The following CHID1 variants were observed in gnomAD, a reference collection of about 807,000 sequenced individuals.
CHID1 encodes chitinase domain containing 1.
Under a neutral mutation model 55.4 loss-of-function variants are expected in CHID1, and 44 were observed. That is an observed-to-expected ratio of 0.79 (90% confidence interval 0.62 to 1.02). CHID1 has a LOEUF of 1.02. CHID1 is among the 50% of genes least tolerant of loss of function. The pLI is 0.00. For missense variants in CHID1, 491 were observed against 515.3 expected (o/e 0.95, Z 0.46); for synonymous variants, 216 against 212.9 (o/e 1.01, Z -0.13).
intron 7 of CHID1, among the ~76,000 whole-genome samples, chr11:898,220 G>C (rs983392478): frequency 2.0e-5 from 3 of 152,226 alleles, no homozygotes; most frequent in African/African-American, 7.2e-5. Context: ...CCCCAGGTGG[G>C]CAGAGCCTGG....
intron 10 of CHID1, among the ~76,000 whole-genome samples, chr11:873,386 T>C (rs1849300905): frequency 3.3e-5 from 5 of 151,816 alleles, no homozygotes; most frequent in Admixed American, 3.3e-4. Context: ...GCTGGTGTGA[T>C]GGACAAGCAC....
chr11:900,256 C>G (rs1040446585), intron 5 of CHID1, 146 bp from the exon 6 acceptor site: 1 of 645,518 alleles, frequency 1.5e-6, no homozygotes, highest in East Asian at 2.7e-5. Flanking sequence ...CCTGGAGCAC[C>G]CACATGTCCA....
At chr11:904,471 G>A (rs889360010) in intron 2 of CHID1, among the ~76,000 whole-genome samples, 5 of 152,210 alleles carry the variant, frequency 3.3e-5, no homozygotes, top group Non-Finnish European at 7.3e-5. Context: ...TGAGTGGGGA[G>A]GCACCCTGCT....
intron 10 of CHID1, among the ~76,000 whole-genome samples, chr11:881,006 G>T (rs931672061): frequency 1.3e-5 from 2 of 152,314 alleles, no homozygotes; most frequent in African/African-American, 4.8e-5. Context: ...AAACAAGGAG[G>T]AAAAGCAGCC....
intron 10 of CHID1, among the ~76,000 whole-genome samples, chr11:882,133 T>C (rs1420723099): frequency 1.3e-5 from 2 of 152,120 alleles, no homozygotes; most frequent in African/African-American, 4.8e-5. Flanking sequence ...GAGACCATCC[T>C]GGCTAATGCG....
upstream of CHID1, chr11:910,957 G>A: frequency 2.3e-6 from 1 of 429,198 alleles, no homozygotes; most frequent in Non-Finnish European, 3.1e-6. Flanking sequence ...GGCCGGGGCC[G>A]GGGCCGGGGC....
chr11:886,471 T>C (rs1850407010), intron 8 of CHID1, among the ~76,000 whole-genome samples: 1 of 152,184 alleles, frequency 6.6e-6, no homozygotes, highest in Non-Finnish European at 1.5e-5. Flanking sequence ...TCGGTCTTGC[T>C]GTGGACAGGG....
At chr11:912,761 G>C (rs1290676806), upstream of CHID1, among the ~76,000 whole-genome samples, 1 of 151,466 alleles carries the variant, frequency 6.6e-6, no homozygotes. Context: ...GGAGAATGGC[G>C]TGAACCCAGG....
chr11:889,913 GA>G (rs1364288072), intron 8 of CHID1, among the ~76,000 whole-genome samples: 1 of 152,216 alleles, frequency 6.6e-6, no homozygotes, highest in African/African-American at 2.4e-5. Flanking sequence ...ACCTGTCAGA[GA>G]TTTCTGAACC....
chr11:902,310 A>T lies in CHID1; in HGVS notation c.282T>A (p.Asp94Glu). Residue 94 changes from aspartate (D) to glutamate (E), a missense_variant, in exon 4 of 13, where the codon GAT (aspartate) becomes GAA (glutamate). Physicochemically the swap from Asp to Glu is conservative, Grantham distance 45 (BLOSUM62 2). Coordinates refer to ENST00000323578, the MANE Select transcript of CHID1 (RefSeq NM_023947.4). ...YVTPWNSHGY[D>E]VTKVFGSKFT... ...ACTTGCTCCCAAAGACCTTGGTGAC[A>T]TCGTAGCCATGGCTGTTCCACTGGC... 6.2e-7 allele frequency: 1 copy of T among 1,613,202 alleles called. No homozygotes were observed. The highest frequency in any genetic ancestry group is 8.5e-7 in the Non-Finnish European group (1 of 1,179,260).
intron 7 of CHID1, among the ~76,000 whole-genome samples, chr11:895,542 C>T (rs537886291): frequency 3.9e-5 from 6 of 152,300 alleles, no homozygotes; most frequent in East Asian, 1.9e-4. Flanking sequence ...CTGGTGGCTC[C>T]GAGCGCCCCT....
chr11:890,332 G>C (rs1255634033), intron 8 of CHID1, among the ~76,000 whole-genome samples: 1 of 152,240 alleles, frequency 6.6e-6, no homozygotes, highest in African/African-American at 2.4e-5. Context: ...CTGTGCAAAC[G>C]TGCTTGCTGG....
chr11:904,676 A>T, intron 2 of CHID1, 30 bp downstream of exon 2: 2 of 1,613,302 alleles, frequency 1.2e-6, no homozygotes, highest in Non-Finnish European at 1.7e-6. Context: ...CAGCCAGTAC[A>T]GTCACCTCAA....
At chr11:871,014 G>A (rs1311208297) in intron 10 of CHID1, among the ~76,000 whole-genome samples, 12 of 148,882 alleles carry the variant, frequency 8.1e-5, no homozygotes, top group South Asian at 2.1e-4. Flanking sequence ...TTTTTGAGAC[G>A]GAGTCTCACT....
chr11:876,643 G>A (rs1358700707), intron 10 of CHID1, among the ~76,000 whole-genome samples: 1 of 152,202 alleles, frequency 6.6e-6, no homozygotes, highest in Non-Finnish European at 1.5e-5. Flanking sequence ...TAGAGTGGGC[G>A]TGCCCTCCCT....
At chr11:904,397 G>A (rs1852053272) in intron 2 of CHID1, among the ~76,000 whole-genome samples, 1 of 152,212 alleles carries the variant, frequency 6.6e-6, no homozygotes, top group Non-Finnish European at 1.5e-5. Context: ...AGATGCAGGT[G>A]ATATAAACGA....
chr11:903,133 A>G, intron 2 of CHID1, 22 bp from the exon 3 acceptor site: 1 of 1,602,726 alleles, frequency 6.2e-7, no homozygotes, highest in Non-Finnish European at 8.5e-7. Context: ...GGAGTGAGAG[A>G]AAAGCCTCAG....
intron 10 of CHID1, among the ~76,000 whole-genome samples, chr11:873,928 C>A (rs973456091): frequency 1.3e-5 from 2 of 152,008 alleles, no homozygotes; most frequent in Non-Finnish European, 2.9e-5. Flanking sequence ...CACCGAGACG[C>A]GCCACAGAGC....
chr11:910,114 T>C (rs147180025), intron 1 of CHID1, among the ~76,000 whole-genome samples: 2 of 151,422 alleles, frequency 1.3e-5, no homozygotes, highest in African/African-American at 2.4e-5. Flanking sequence ...TAGTCCCAAG[T>C]AGCTAGGAGG....
Sources: gnomAD v4.1 joint callset for allele counts (sites outside exome capture counted in the v4.1 genomes callset) on GRCh38, gnomAD v4.1.1 for gene constraint, MANE v1.5 for transcripts, NCBI Gene and HGNC (gene_info 2026-07-23, HGNC 2026-07-21) for gene names.